Variants in RPH3A observed in about 807,000 individuals in gnomAD.
RPH3A encodes rabphilin-3A.
RPH3A carries 48 observed loss-of-function variants against 102.2 expected under a neutral mutation model. That is an observed-to-expected ratio of 0.47 (90% CI 0.37 to 0.60). The LOEUF (loss-of-function observed/expected upper bound fraction) is 0.60, where lower values mean the gene tolerates loss of function less well. Ranked by LOEUF, RPH3A falls within the 20% of genes least tolerant of loss-of-function variation. RPH3A has a pLI of 0.00. For synonymous variants in RPH3A, 310 were observed against 324.3 expected (o/e 0.96, Z 0.47); for missense variants, 781 against 910.1 (o/e 0.86, Z 1.83).
At chr12:112,837,722 G>A in intron 4 of RPH3A, 1 of 455,830 alleles carries the variant, frequency 2.2e-6, no homozygotes, top group Admixed American at 2.3e-5. Context: ...ATTGTCAGAT[G>A]ACAAATATGA....
chr12:112,864,729 T>C (rs907788247), intron 5 of RPH3A, among the ~76,000 whole-genome samples: 5 of 152,184 alleles, frequency 3.3e-5, no homozygotes, highest in Non-Finnish European at 5.9e-5. Flanking sequence ...TCATTTAGCT[T>C]CCAGGACATT....
intron 1 of RPH3A, among the ~76,000 whole-genome samples, chr12:112,678,980 A>C (rs1375270931): frequency 1.3e-5 from 2 of 151,866 alleles, no homozygotes; most frequent in Non-Finnish European, 2.9e-5. Flanking sequence ...AAGCCACTCC[A>C]CTTCCATTTT....
intron 1 of RPH3A, among the ~76,000 whole-genome samples, chr12:112,685,998 T>A (rs889459537): frequency 4.6e-5 from 7 of 152,186 alleles, no homozygotes; most frequent in Non-Finnish European, 2.9e-5. Context: ...CCTGTTCATG[T>A]TCTGAGAGCC....
intron 1 of RPH3A, among the ~76,000 whole-genome samples, chr12:112,774,973 GA>G (rs914330385): frequency 2.0e-5 from 3 of 149,396 alleles, no homozygotes; most frequent in Non-Finnish European, 3.0e-5. Context: ...AAATAAAAAT[GA>G]AAAAAAGAAA....
At chr12:112,699,670 G>A (rs922365059) in intron 1 of RPH3A, among the ~76,000 whole-genome samples, 9 of 152,140 alleles carry the variant, frequency 5.9e-5, no homozygotes, top group South Asian at 2.1e-4. Flanking sequence ...ATAGAAACAC[G>A]TTCTCTTTCT....
At chr12:112,653,965 A>G (rs2039993782) in intron 1 of RPH3A, among the ~76,000 whole-genome samples, 1 of 152,226 alleles carries the variant, frequency 6.6e-6, no homozygotes, top group Non-Finnish European at 1.5e-5. Context: ...ACACACACAG[A>G]CATTGTTAAA....
At chr12:112,701,100 T>A (rs1272086786) in intron 1 of RPH3A, among the ~76,000 whole-genome samples, 1 of 152,200 alleles carries the variant, frequency 6.6e-6, no homozygotes, top group Admixed American at 6.5e-5. Flanking sequence ...ATTCATTCAG[T>A]CTCTCAAGCT....
chr12:112,605,536 A>G (rs1242159869), intron 1 of RPH3A, among the ~76,000 whole-genome samples: 1 of 152,218 alleles, frequency 6.6e-6, no homozygotes, highest in Non-Finnish European at 1.5e-5. Flanking sequence ...ACATGCCCAT[A>G]GTTCTAGCTG....
intron 1 of RPH3A, among the ~76,000 whole-genome samples, chr12:112,678,002 C>T (rs2040193595): frequency 6.6e-6 from 1 of 151,614 alleles, no homozygotes; most frequent in Admixed American, 6.6e-5. Flanking sequence ...ACTAGCCTGG[C>T]CAACATGGTG....
intron 1 of RPH3A, among the ~76,000 whole-genome samples, chr12:112,697,820 A>G (rs1277134085): frequency 6.6e-6 from 1 of 152,146 alleles, no homozygotes; most frequent in Non-Finnish European, 1.5e-5. Flanking sequence ...AGCTGAGATC[A>G]TGGCACTGCA....
chr12:112,786,185 T>C (rs1391743208), intron 1 of RPH3A, among the ~76,000 whole-genome samples: 1 of 152,026 alleles, frequency 6.6e-6, no homozygotes, highest in Non-Finnish European at 1.5e-5. Context: ...CCTTGCCTGG[T>C]AACGTGGAAT....
intron 1 of RPH3A, among the ~76,000 whole-genome samples, chr12:112,638,885 C>T (rs1009341823): frequency 5.3e-5 from 8 of 152,076 alleles, no homozygotes; most frequent in Admixed American, 6.5e-5. Context: ...ATACTATGGC[C>T]GAGGTCTGCA....
At chr12:112,616,410 G>T (rs534224556) in intron 1 of RPH3A, among the ~76,000 whole-genome samples, 1 of 152,204 alleles carries the variant, frequency 6.6e-6, no homozygotes, top group Non-Finnish European at 1.5e-5. Flanking sequence ...GCCTCCCAAA[G>T]TGCTGGGATT....
chr12:112,889,954 C>G, intron 17 of RPH3A, 70 bp from the exon 18 acceptor site: 2 of 1,421,420 alleles, frequency 1.4e-6, no homozygotes, highest in Non-Finnish European at 2.0e-6. Context: ...TGAGGGGTTT[C>G]TGGTCCTTCT....
chr12:112,782,536 A>G (rs1476921988), intron 1 of RPH3A, among the ~76,000 whole-genome samples: 2 of 152,260 alleles, frequency 1.3e-5, no homozygotes, highest in African/African-American at 2.4e-5. Context: ...AGCACCTGGC[A>G]TAAATCAGTC....
chr12:112,638,753 A>G (rs922691196), intron 1 of RPH3A, among the ~76,000 whole-genome samples: 1 of 152,210 alleles, frequency 6.6e-6, no homozygotes. Flanking sequence ...AAAGGTCTCT[A>G]GAAATGCTCC....
chr12:112,694,898 C>T (rs1023137597), intron 1 of RPH3A: 1 of 169,308 alleles, frequency 5.9e-6, no homozygotes, highest in African/African-American at 2.4e-5. Context: ...TACCTGGCAC[C>T]ATTGTGAAAA....
chr12:112,596,185 A>T (rs895389504), intron 1 of RPH3A, among the ~76,000 whole-genome samples: 34 of 117,886 alleles, frequency 2.9e-4, no homozygotes, highest in South Asian at 6.0e-4. Flanking sequence ...TCTCTTGCCC[A>T]GGCTGGAGTG....
intron 1 of RPH3A, among the ~76,000 whole-genome samples, chr12:112,659,400 G>A (rs1359698250): frequency 2.6e-5 from 4 of 152,172 alleles, no homozygotes; most frequent in African/African-American, 4.8e-5. Context: ...GTTTTCTGTT[G>A]AATGTCCCTC....
Sources: gnomAD v4.1 joint callset for allele counts (sites outside exome capture counted in the v4.1 genomes callset) on GRCh38, gnomAD v4.1.1 for gene constraint, MANE v1.5 for transcripts, NCBI Gene and HGNC (gene_info 2026-07-23, HGNC 2026-07-21) for gene names.